The following DENND11 variants were observed in gnomAD, a reference collection of about 807,000 sequenced individuals.
DENND11 encodes the protein DENN domain containing 11, also known as DENN domain-containing protein 11.
DENND11 carries 34 observed loss-of-function variants against 49.2 expected under a neutral mutation model. The observed-to-expected ratio is 0.69, with a 90% CI of 0.53 to 0.92. DENND11 has a LOEUF of 0.92. Ranked by LOEUF, DENND11 falls within the 40% of genes least tolerant of loss-of-function variation. The pLI is 0.00. For missense variants in DENND11, 475 were observed against 581.6 expected (o/e 0.82, Z 1.88); for synonymous variants, 238 against 230.3 (o/e 1.03, Z -0.30).
At chr7:141,677,508 T>C (rs1798081442) in intron 3 of DENND11, among the ~76,000 whole-genome samples, 6 of 132,308 alleles carry the variant, frequency 4.5e-5, no homozygotes, top group Admixed American at 1.6e-4. Flanking sequence ...TGTGTGTATA[T>C]ATATATATAT....
At chr7:141,689,239 C>T (rs772425360) in intron 1 of DENND11, among the ~76,000 whole-genome samples, 7 of 152,044 alleles carry the variant, frequency 4.6e-5, no homozygotes, top group Non-Finnish European at 8.8e-5. Context: ...AAAGAAAATG[C>T]GGTACATATA....
chr7:141,681,647 C>G (rs1798147955), intron 3 of DENND11, among the ~76,000 whole-genome samples: 1 of 152,178 alleles, frequency 6.6e-6, no homozygotes, highest in African/African-American at 2.4e-5. Context: ...TTACCTGGAA[C>G]TGACTGGAAG....
At chr7:141,685,161 G>A (rs1253856610) in intron 3 of DENND11, among the ~76,000 whole-genome samples, 1 of 151,384 alleles carries the variant, frequency 6.6e-6, no homozygotes, top group Non-Finnish European at 1.5e-5. Flanking sequence ...CTTGGGGCAA[G>A]GAGGTAACTA....
Position 141,658,595 on chromosome 7 carries a change from A to C in DENND11, c.*4061T>G, listed in dbSNP as rs3735281. The C allele has an allele frequency of 6.6e-6, 1 of 151,994 alleles. No homozygotes were observed. Among genetic ancestry groups the C allele is most frequent in the Non-Finnish European group, 1.5e-5 (1 of 68,030 alleles). The allele number at this position is 151,994 out of a possible 1,614,324, so 9.4% of individuals were successfully genotyped here. A position where few individuals can be genotyped will look rare whatever the true frequency, so the allele number is the denominator to read the frequency against. ...ATTCTAATTGTCTTGCCCATGTTAG[A>C]CCTGTCATCACACTAAGGCAAGTCC... On this transcript the variant is annotated 3_prime_UTR_variant, in exon 9 of 9. Transcript: ENST00000536163.
intron 1 of DENND11, 32 bp from the exon 2 acceptor site, chr7:141,686,690 A>C: frequency 6.7e-7 from 1 of 1,493,068 alleles, no homozygotes; most frequent in Non-Finnish European, 9.3e-7. Flanking sequence ...AGTTAAAAGA[A>C]ACAACATCAT....
chr7:141,688,824 T>C (rs989763013), intron 1 of DENND11, among the ~76,000 whole-genome samples: 9 of 152,218 alleles, frequency 5.9e-5, no homozygotes, highest in African/African-American at 2.2e-4. Context: ...ATTCTGCTGA[T>C]GCATGCCAGC....
intron 1 of DENND11, among the ~76,000 whole-genome samples, chr7:141,692,233 G>A (rs1014883899): frequency 2.5e-4 from 38 of 152,160 alleles, no homozygotes; most frequent in Admixed American, 2.5e-3. Context: ...TAGACTCAAT[G>A]CAATCCCAAT....
intron 3 of DENND11, among the ~76,000 whole-genome samples, chr7:141,677,426 CAT>C (rs869114076): frequency 7.7e-4 from 66 of 86,204 alleles, no homozygotes; most frequent in African/African-American, 2.1e-3. Flanking sequence ...TATATATACA[CAT>C]ATATATGTGT....
intron 3 of DENND11, among the ~76,000 whole-genome samples, chr7:141,680,071 A>G (rs1798125826): frequency 6.6e-6 from 1 of 152,212 alleles, no homozygotes; most frequent in Admixed American, 6.5e-5. Flanking sequence ...ACAATTTAAT[A>G]TACAGATATA....
In DENND11 at chr7:141,658,494, C is replaced by T. The variant is rs191449157; in HGVS notation, c.*4162G>A. 7.9e-4 allele frequency: 120 copies of T among 152,306 alleles called. No individual in the cohort carries two copies. The highest frequency in any genetic ancestry group is 2.8e-3 in the African/African-American group (116 of 41,546). 9.4% of individuals were successfully genotyped at this position (152,306 alleles called of 1,614,324 possible). A position where few individuals can be genotyped will look rare whatever the true frequency, so the allele number is the denominator to read the frequency against. Reference sequence around the variant, plus strand: ...ACGGGGAGAAGACAGGAGGGCTGGCCATTTGGCAGAATCCAAGCCTACTAG... The same window carrying T: ...ACGGGGAGAAGACAGGAGGGCTGGCTATTTGGCAGAATCCAAGCCTACTAG... On this transcript the variant is annotated 3_prime_UTR_variant, in exon 9 of 9. Transcript: ENST00000536163.
Position 141,677,433 on chromosome 7 carries a change from ATGTGTG to A in DENND11, c.528-3219_528-3214del, listed in dbSNP as rs146524088. ...TATATATATATATATACACATATAT[ATGTGTG>A]TGTGTGTGTGTATTTACATATGTGT... On this transcript the variant is annotated intron_variant, in intron 3 of 8. Coordinates refer to ENST00000536163, the MANE Select transcript of DENND11 (RefSeq NM_001080392.2). Among the ~76,000 whole-genome samples, 77 of 141,028 alleles carry A rather than the reference ATGTGTG, an allele frequency of 5.5e-4. 1 individual carries two copies. In the South Asian group the frequency reaches 0.015, roughly 27 times the overall value. The allele number at this position is 141,028 out of a possible 152,430, so 92.5% of individuals were successfully genotyped here. A position where few individuals can be genotyped will look rare whatever the true frequency, so the allele number is the denominator to read the frequency against.
intron 3 of DENND11, among the ~76,000 whole-genome samples, chr7:141,685,031 T>A (rs3070668): frequency 0.18 from 11,321 of 62,848 alleles, 698 homozygotes; most frequent in African/African-American, 0.24. Context: ...AAAAAAAAAA[T>A]ATATATATAT....
chr7:141,686,478 T>A, intron 2 of DENND11, 81 bp downstream of exon 2: 1 of 864,012 alleles, frequency 1.2e-6, no homozygotes, highest in South Asian at 1.4e-5. Context: ...GAAGACCTCC[T>A]AATAAGAGCC....
Position 141,662,634 on chromosome 7 carries a change from C to A in DENND11, c.*22G>T. 1.3e-6 allele frequency: 2 copies of A among 1,513,158 alleles called. No individual in the cohort carries two copies. Among genetic ancestry groups the A allele is most frequent in the Non-Finnish European group, 8.8e-7 (1 of 1,131,848 alleles). 93.7% of individuals were successfully genotyped at this position (1,513,158 alleles called of 1,614,324 possible). A position where few individuals can be genotyped will look rare whatever the true frequency, so the allele number is the denominator to read the frequency against. ...GCTGCTGACATCCCACGTGAAGTGGCTCCCAGTCCTGTTGGCTCCTCCTAC... is the reference window on the plus strand; with the variant it reads ...GCTGCTGACATCCCACGTGAAGTGGATCCCAGTCCTGTTGGCTCCTCCTAC... On this transcript the variant is annotated 3_prime_UTR_variant, in exon 9 of 9. Coordinates refer to ENST00000536163, the MANE Select transcript of DENND11 (RefSeq NM_001080392.2).
Position 141,685,591 on chromosome 7 carries a change from G to A in DENND11, c.414C>T (p.Asn138=). The A allele has an allele frequency of 6.2e-7, 1 of 1,614,042 alleles. No homozygotes were observed. The highest frequency in any genetic ancestry group is 8.5e-7 in the Non-Finnish European group (1 of 1,179,904). The change falls in exon 3 of 9, where the codon AAC becomes AAT. Residue 138 remains asparagine, a synonymous_variant. Transcript: ENST00000536163. ...GPFFGLACFA[N]MPVESELERG... ...GTTCCAGCTCGCTCTCCACGGGCAT[G>A]TTGGCAAAGCAGGCCAGGCCGAAGA...
At chr7:141,685,365 C>T in intron 3 of DENND11, 113 bp downstream of exon 3, 1 of 1,336,264 alleles carries the variant, frequency 7.5e-7, no homozygotes. Flanking sequence ...CATGGATGTT[C>T]TTGGAAAGAC....
intron 4 of DENND11, 111 bp downstream of exon 4, chr7:141,673,956 C>T (rs1798024537): frequency 7.7e-7 from 1 of 1,302,032 alleles, no homozygotes; most frequent in Non-Finnish European, 1.0e-6. Context: ...CAAAAGTAGA[C>T]ATTTTGTATG....
At chr7:141,691,127 T>C (rs1387941732) in intron 1 of DENND11, among the ~76,000 whole-genome samples, 1 of 152,240 alleles carries the variant, frequency 6.6e-6, no homozygotes, top group Non-Finnish European at 1.5e-5. Flanking sequence ...CCTTCATGAG[T>C]GAATTCTGGT....
chr7:141,695,333 G>A (rs2117082369), intron 1 of DENND11, among the ~76,000 whole-genome samples: 1 of 152,124 alleles, frequency 6.6e-6, no homozygotes, highest in Non-Finnish European at 1.5e-5. Context: ...TTACAAATTG[G>A]GGAAAATAAT....
Sources: allele counts gnomAD v4.1 joint callset (sites outside exome capture counted in the v4.1 genomes callset), GRCh38; gene constraint gnomAD v4.1.1; transcripts MANE v1.5; gene names NCBI Gene and HGNC (gene_info 2026-07-23, HGNC 2026-07-21).